Variants in SYNE2 observed in about 807,000 individuals in gnomAD.
SYNE2 encodes the protein nesprin-2.
In SYNE2, 431 loss-of-function variants were observed where a neutral mutation model predicts 856.3. That is an observed-to-expected ratio of 0.50 (90% CI 0.47 to 0.55). SYNE2 has a LOEUF of 0.55. Among genes scored for constraint, SYNE2 ranks in the 20% least tolerant of loss-of-function variants. SYNE2 has a pLI of 0.00. For synonymous variants in SYNE2, 2,923 were observed against 2,872.3 expected (o/e 1.02, Z -0.56); for missense variants, 8,129 against 8,023.2 (o/e 1.01, Z -0.50).
intron 96 of SYNE2, among the ~76,000 whole-genome samples, chr14:64,180,722 T>G (rs149242077): frequency 6.6e-6 from 1 of 152,294 alleles, no homozygotes; most frequent in African/African-American, 2.4e-5. Flanking sequence ...CAGGCTGGTC[T>G]CTAACTCCCA....
At position 64,214,216 on chromosome 14, in the gene SYNE2, C is replaced by G; in HGVS notation, c.19079C>G (p.Ala6360Gly). 3.7e-6 allele frequency: 6 copies of G among 1,614,092 alleles called. No individual in the cohort carries two copies. Among genetic ancestry groups the G allele is most frequent in the Non-Finnish European group, 5.1e-6 (6 of 1,180,014 alleles). ...TAGGGCTTGGAAGATGAAAAGGAGGCCTCTGAGAATGAAACAGACATGGAA... is the reference window on the plus strand; with the variant it reads ...TAGGGCTTGGAAGATGAAAAGGAGGGCTCTGAGAATGAAACAGACATGGAA... ...CTPGLEDEKE[A>G]SENETDMEDP... The change falls in exon 106 of 116, where the codon GCC (alanine) becomes GGC (glycine). Residue 6360 changes from alanine to glycine, a missense_variant. By Grantham distance (60) the Ala-to-Gly change is moderately conservative. Around this residue, in one of 3 missense-constraint regions of SYNE2, gnomAD observed 5,410 missense variants for 5,284.8 expected, o/e 1.02. Transcript: ENST00000555002.
At chr14:64,092,955 C>T (rs528899524) in intron 60 of SYNE2, among the ~76,000 whole-genome samples, 1 of 149,682 alleles carries the variant, frequency 6.7e-6, no homozygotes, top group Non-Finnish European at 1.5e-5. Flanking sequence ...GCGGAAAGCC[C>T]CCCCGCTCCC....
At chr14:63,862,163 G>GT (rs1893909703) in intron 1 of SYNE2, among the ~76,000 whole-genome samples, 1 of 152,096 alleles carries the variant, frequency 6.6e-6, no homozygotes, top group Admixed American at 6.6e-5. Flanking sequence ...CCATTTCCTG[G>GT]TTTCCCTTAC....
chr14:63,920,998 T>C (rs945834499), intron 2 of SYNE2, among the ~76,000 whole-genome samples: 20 of 152,104 alleles, frequency 1.3e-4, no homozygotes, highest in South Asian at 1.0e-3. Context: ...ACCTGTAATC[T>C]CAGCTACTCT....
At chr14:64,046,039 A>G (rs1595112559) in intron 45 of SYNE2, among the ~76,000 whole-genome samples, 2 of 152,238 alleles carry the variant, frequency 1.3e-5, no homozygotes, top group South Asian at 2.1e-4. Context: ...TTCTATGGAC[A>G]TGAAGGTATA....
intron 1 of SYNE2, among the ~76,000 whole-genome samples, chr14:63,838,608 T>G (rs1595161265): frequency 1.3e-5 from 2 of 152,148 alleles, no homozygotes; most frequent in East Asian, 3.9e-4. Flanking sequence ...TCTAATTCCT[T>G]GGCTCCAGCA....
intron 77 of SYNE2, among the ~76,000 whole-genome samples, chr14:64,132,901 A>G (rs61987281): frequency 0.023 from 3,428 of 152,252 alleles, 44 homozygotes; most frequent in African/African-American, 0.037. Flanking sequence ...TAGTACTTAA[A>G]GGAAATAAAA....
chr14:64,186,383 G>C (rs1351406677), intron 96 of SYNE2, 41 bp from the exon 97 acceptor site: 4 of 1,613,504 alleles, frequency 2.5e-6, no homozygotes, highest in Non-Finnish European at 3.4e-6. Flanking sequence ...ACAGCCGCTT[G>C]AGTTGAAGGC....
chr14:63,839,195 A>G (rs910880983), intron 1 of SYNE2, among the ~76,000 whole-genome samples: 1 of 151,928 alleles, frequency 6.6e-6, no homozygotes, highest in Admixed American at 6.6e-5. Flanking sequence ...ATGCCCGGCT[A>G]ATTTTTTGTA....
chr14:64,048,037 C>G lies in SYNE2; in HGVS notation c.7259C>G (p.Ser2420Cys), dbSNP rs776379142. The stretch of plus-strand genomic sequence containing the variant: ...GAAATGGCTATGTCAAAACAACTTT[C>G]TCTTAATGCTCAAGAAAGCATGAAA... ...AVEMAMSKQL[S>C]LNAQESMKNT... The change falls in exon 46 of 116, where the codon TCT becomes TGT. Residue 2420 changes from serine (S) to cysteine (C), a missense_variant. Transcript: ENST00000555002. The G allele has an allele frequency of 6.2e-7, 1 of 1,613,664 alleles. No homozygotes were observed. The highest frequency in any genetic ancestry group is 1.1e-5 in the South Asian group (1 of 91,076).
chr14:63,790,984 G>C (rs1176318745), intron 1 of SYNE2, among the ~76,000 whole-genome samples: 1 of 151,486 alleles, frequency 6.6e-6, no homozygotes, highest in Non-Finnish European at 1.5e-5. Flanking sequence ...TTTTTAGACA[G>C]AGTCTCGCTG....
intron 78 of SYNE2, among the ~76,000 whole-genome samples, chr14:64,137,533 G>A (rs2098104196): frequency 6.6e-6 from 1 of 152,174 alleles, no homozygotes; most frequent in African/African-American, 2.4e-5. Context: ...TTACAGGTAT[G>A]AGCCACTGCA....
intron 57 of SYNE2, among the ~76,000 whole-genome samples, chr14:64,082,284 C>G (rs1182177228): frequency 6.6e-6 from 1 of 152,136 alleles, no homozygotes; most frequent in Non-Finnish European, 1.5e-5. Context: ...GGGGTAGTCA[C>G]TCCCATAAGT....
chr14:63,856,694 T>G (rs1338196661), intron 1 of SYNE2, among the ~76,000 whole-genome samples: 1 of 152,218 alleles, frequency 6.6e-6, no homozygotes, highest in African/African-American at 2.4e-5. Flanking sequence ...TGCTTTCACA[T>G]GTACAAAGGA....
At chr14:64,121,198 TG>T in intron 68 of SYNE2, 137 bp downstream of exon 68, 1 of 1,233,100 alleles carries the variant, frequency 8.1e-7, no homozygotes, top group Non-Finnish European at 1.2e-6. Context: ...GAGGCCAGCC[TG>T]GGCAACATAG....
At chr14:64,032,049 G>A (rs1335426103) in intron 45 of SYNE2, among the ~76,000 whole-genome samples, 2 of 152,208 alleles carry the variant, frequency 1.3e-5, no homozygotes, top group African/African-American at 4.8e-5. Context: ...GGACAGTAGT[G>A]GAGGTTGGAA....
At chr14:63,790,985 A>T (rs1887710530) in intron 1 of SYNE2, among the ~76,000 whole-genome samples, 1 of 151,676 alleles carries the variant, frequency 6.6e-6, no homozygotes, top group Non-Finnish European at 1.5e-5. Flanking sequence ...TTTTAGACAG[A>T]GTCTCGCTGT....
chr14:64,129,676 C>G, intron 74 of SYNE2, 106 bp from the exon 75 acceptor site: 5 of 1,526,274 alleles, frequency 3.3e-6, no homozygotes, highest in Non-Finnish European at 4.4e-6. Flanking sequence ...GGGATTTTTG[C>G]TTTTCCCTTC....
chr14:64,065,554 TCTGTGG>T lies in SYNE2; in HGVS notation c.10336_10341del (p.Leu3446_Trp3447del). On this transcript the variant is annotated inframe_deletion, in exon 51 of 116. Coordinates refer to ENST00000555002, the MANE Select transcript of SYNE2 (RefSeq NM_182914.3). Reference sequence around the variant, plus strand: ...TATGTTTGCTCAAGATTGTGTCGGCTCTGTGGGAGAAATGGCTGAGTTTGCTGGAAG... The same window carrying T: ...TATGTTTGCTCAAGATTGTGTCGGCTGAGAAATGGCTGAGTTTGCTGGAAG... 1 of 1,614,152 alleles carries T rather than the reference TCTGTGG, an allele frequency of 6.2e-7. No individual in the cohort carries two copies. The highest frequency in any genetic ancestry group is 1.3e-5 in the African/African-American group (1 of 75,046).
Sources: allele counts gnomAD v4.1 joint callset (sites outside exome capture counted in the v4.1 genomes callset), GRCh38; gene constraint gnomAD v4.1.1; regional missense constraint gnomAD v4.1.1; transcripts MANE v1.5; gene names NCBI Gene and HGNC (gene_info 2026-07-23, HGNC 2026-07-21).